Variants in CYP7B1 observed in about 807,000 individuals in gnomAD.
The protein encoded by CYP7B1 is cytochrome P450 family 7 subfamily B member 1.
Under a neutral mutation model 42.7 loss-of-function variants are expected in CYP7B1, and 29 were observed. The observed-to-expected ratio is 0.68, with a 90% CI of 0.51 to 0.93. CYP7B1 has a LOEUF of 0.93. Among genes scored for constraint, CYP7B1 ranks in the 40% least tolerant of loss-of-function variants. The pLI is 0.00. For missense variants in CYP7B1, 655 were observed against 600.5 expected, an observed-to-expected ratio of 1.09 and a Z score of -0.95; for synonymous variants, 235 against 218.2, an observed-to-expected ratio of 1.08 and a Z score of -0.68.
At chr8:64,637,310 G>C (rs936137734) in intron 1 of CYP7B1, among the ~76,000 whole-genome samples, 2 of 152,098 alleles carry the variant, frequency 1.3e-5, no homozygotes, top group African/African-American at 2.4e-5. Flanking sequence ...TGCTATACCT[G>C]CTTCATAATA....
At chr8:64,668,959 G>C (rs1182553737) in intron 1 of CYP7B1, among the ~76,000 whole-genome samples, 1 of 152,044 alleles carries the variant, frequency 6.6e-6, no homozygotes, top group Non-Finnish European at 1.5e-5. Context: ...AGGTTACAGG[G>C]TCTAAATTTC....
chr8:64,599,086 G>A (rs112041515), intron 5 of CYP7B1, among the ~76,000 whole-genome samples: 3 of 152,256 alleles, frequency 2.0e-5, no homozygotes, highest in African/African-American at 7.2e-5. Context: ...CTGAGATTCT[G>A]GGGTCACAGT....
At chr8:64,671,035 G>A (rs929411869) in intron 1 of CYP7B1, among the ~76,000 whole-genome samples, 10 of 152,084 alleles carry the variant, frequency 6.6e-5, no homozygotes, top group African/African-American at 9.7e-5. Context: ...TGTAATAAGC[G>A]AAAAGGTAAG....
intron 1 of CYP7B1, among the ~76,000 whole-genome samples, chr8:64,708,257 G>T (rs1038624720): frequency 3.3e-5 from 5 of 152,110 alleles, no homozygotes. Flanking sequence ...GAAAATCACT[G>T]AAATTTACTG....
chr8:64,693,121 C>T (rs746372039), intron 1 of CYP7B1, among the ~76,000 whole-genome samples: 4 of 152,214 alleles, frequency 2.6e-5, no homozygotes, highest in Non-Finnish European at 4.4e-5. Flanking sequence ...TCTTCACTTG[C>T]AGAGCCTAGC....
At chr8:64,783,571 C>G (rs1308786339) in intron 1 of CYP7B1, among the ~76,000 whole-genome samples, 3 of 147,282 alleles carry the variant, frequency 2.0e-5, no homozygotes, top group African/African-American at 7.6e-5. Flanking sequence ...CAAATAGCAA[C>G]TAAGAGGAAA....
intron 1 of CYP7B1, among the ~76,000 whole-genome samples, chr8:64,703,288 G>A (rs117652952): frequency 1.3e-5 from 2 of 151,980 alleles, no homozygotes; most frequent in Non-Finnish European, 2.9e-5. Context: ...TAATCATCTA[G>A]TTGCTAAGAT....
intron 1 of CYP7B1, among the ~76,000 whole-genome samples, chr8:64,627,180 G>A (rs1805621305): frequency 6.6e-6 from 1 of 152,180 alleles, no homozygotes; most frequent in South Asian, 2.1e-4. Flanking sequence ...GCATAGAGAT[G>A]GGAATCTTAC....
chr8:64,599,854 A>G (rs1563538044), intron 5 of CYP7B1, among the ~76,000 whole-genome samples: 1 of 152,166 alleles, frequency 6.6e-6, no homozygotes, highest in Non-Finnish European at 1.5e-5. Flanking sequence ...GGACCTCATC[A>G]TGTGTGACTA....
chr8:64,720,949 C>T (rs1807226510), intron 1 of CYP7B1, among the ~76,000 whole-genome samples: 1 of 151,730 alleles, frequency 6.6e-6, no homozygotes, highest in Non-Finnish European at 1.5e-5. Flanking sequence ...TATGCAAAAA[C>T]CTATCAGAAA....
chr8:64,750,429 T>G (rs1585893596), intron 1 of CYP7B1, among the ~76,000 whole-genome samples: 1 of 152,232 alleles, frequency 6.6e-6, no homozygotes, highest in East Asian at 1.9e-4. Flanking sequence ...ATGTTTGAAG[T>G]CAAAGGAATG....
At chr8:64,703,393 CT>C (rs1331492780) in intron 1 of CYP7B1, among the ~76,000 whole-genome samples, 1 of 152,008 alleles carries the variant, frequency 6.6e-6, no homozygotes, top group African/African-American at 2.4e-5. Context: ...TCTTATAAAA[CT>C]GTCTGGCTCT....
At chr8:64,730,436 G>T (rs1050651588) in intron 1 of CYP7B1, among the ~76,000 whole-genome samples, 3 of 151,982 alleles carry the variant, frequency 2.0e-5, no homozygotes, top group African/African-American at 7.3e-5. Context: ...GTTTATCACT[G>T]AGAGACAAGA....
chr8:64,716,120 G>A (rs1216862729), intron 1 of CYP7B1, among the ~76,000 whole-genome samples: 9 of 152,000 alleles, frequency 5.9e-5, no homozygotes, highest in African/African-American at 1.4e-4. Context: ...ACTGTTTTTA[G>A]CTGTCTCTCA....
intron 1 of CYP7B1, among the ~76,000 whole-genome samples, chr8:64,733,998 A>C (rs1031899681): frequency 2.6e-4 from 40 of 152,252 alleles, no homozygotes; most frequent in African/African-American, 9.4e-4. Flanking sequence ...AAAATTAAAA[A>C]AATAAAAATA....
intron 1 of CYP7B1, among the ~76,000 whole-genome samples, chr8:64,674,548 G>C (rs916963335): frequency 6.6e-6 from 1 of 151,966 alleles, no homozygotes; most frequent in Non-Finnish European, 1.5e-5. Flanking sequence ...GGCAATAAGG[G>C]GTAGCATTGA....
intron 1 of CYP7B1, among the ~76,000 whole-genome samples, chr8:64,628,498 T>A (rs534732657): frequency 6.6e-6 from 1 of 151,720 alleles, no homozygotes; most frequent in East Asian, 2.0e-4. Flanking sequence ...CTGCAAAAAA[T>A]TTAGCTGGGC....
At chr8:64,597,020 A>G in intron 5 of CYP7B1, 91 bp from the exon 6 acceptor site, 1 of 1,149,822 alleles carries the variant, frequency 8.7e-7, no homozygotes, top group Non-Finnish European at 1.2e-6. Flanking sequence ...TGCCTGTCTT[A>G]AAAAGCTCCT....
At chr8:64,762,943 A>G (rs1585900536) in intron 1 of CYP7B1, among the ~76,000 whole-genome samples, 1 of 152,232 alleles carries the variant, frequency 6.6e-6, no homozygotes, top group Non-Finnish European at 1.5e-5. Flanking sequence ...TGAATAAAAA[A>G]GTGTTATTTA....
Sources: allele counts gnomAD v4.1 joint callset (sites outside exome capture counted in the v4.1 genomes callset), GRCh38; gene constraint gnomAD v4.1.1; transcripts MANE v1.5; gene names NCBI Gene and HGNC (gene_info 2026-07-23, HGNC 2026-07-21).